GNPTAB: variants seen among roughly 807,000 people sequenced by gnomAD.
GNPTAB encodes N-acetylglucosamine-1-phosphotransferase subunits alpha/beta.
In GNPTAB, 92 loss-of-function variants were observed where a neutral mutation model predicts 136.6. That is an observed-to-expected ratio of 0.67 (90% CI 0.57 to 0.80). The LOEUF (loss-of-function observed/expected upper bound fraction) is 0.80. Ranked by LOEUF, GNPTAB falls within the 30% of genes least tolerant of loss-of-function variation. The probability of loss-of-function intolerance (pLI) is 0.00; values close to 1 mark genes in which losing one functional copy is unlikely to be tolerated. For missense variants in GNPTAB, 1,343 were observed against 1,501.8 expected, an observed-to-expected ratio of 0.89 and a Z score of 1.75; for synonymous variants, 512 against 535.1, an observed-to-expected ratio of 0.96 and a Z score of 0.60.
intron 1 of GNPTAB, among the ~76,000 whole-genome samples, chr12:101,805,126 T>C (rs1869863269): frequency 1.3e-5 from 2 of 152,210 alleles, no homozygotes; most frequent in South Asian, 2.1e-4. Flanking sequence ...ACTTGGTATA[T>C]ACTTTTAGTA....
chr12:101,758,390 G>T (rs1952935764), intron 16 of GNPTAB, among the ~76,000 whole-genome samples: 1 of 152,132 alleles, frequency 6.6e-6, no homozygotes, highest in Non-Finnish European at 1.5e-5. Context: ...GGCCAGGCTG[G>T]TCTTGAATTC....
intron 1 of GNPTAB, among the ~76,000 whole-genome samples, chr12:101,824,117 G>C (rs938000597): frequency 6.6e-6 from 1 of 152,100 alleles, no homozygotes. Flanking sequence ...TTCTGGAGAC[G>C]ATCCCAGTGG....
At chr12:101,774,998 T>TGTTAGACAAGTTGTCTAAACA (rs1456653921) in intron 7 of GNPTAB, among the ~76,000 whole-genome samples, 4 of 152,230 alleles carry the variant, frequency 2.6e-5, no homozygotes, top group Non-Finnish European at 5.9e-5. Context: ...AACAATCACA[T>TGTTAGACAAGTTGTCTAAACA]ATCTGCAAAT....
chr12:101,786,056 G>A lies in GNPTAB; in HGVS notation c.527C>T (p.Pro176Leu), dbSNP rs142302101. ...DIFNVAKPKN[P>L]STNVSVVVFD... ...AACAACAACTGAGACATTGGTAGAA[G>A]GGTTTTTTGGTTTTGCAACATTGAA... Residue 176 changes from proline (P) to leucine (L), a missense_variant, in exon 5 of 21, where the codon CCT becomes CTT. Transcript: ENST00000299314. 29 of 1,613,920 alleles carry A rather than the reference G, an allele frequency of 1.8e-5. No individual in the cohort carries two copies. In the African/African-American group the frequency reaches 3.6e-4, roughly 20 times the overall value.
intron 1 of GNPTAB, among the ~76,000 whole-genome samples, chr12:101,798,472 G>A (rs1869427350): frequency 6.6e-6 from 1 of 152,126 alleles, no homozygotes; most frequent in Non-Finnish European, 1.5e-5. Flanking sequence ...CACCTTTAAG[G>A]AGACATCATG....
intron 5 of GNPTAB, among the ~76,000 whole-genome samples, chr12:101,782,655 C>T (rs1200607093): frequency 6.6e-6 from 1 of 152,202 alleles, no homozygotes. Context: ...TACATTTCTA[C>T]TCAAAACCCT....
intron 1 of GNPTAB, among the ~76,000 whole-genome samples, chr12:101,828,425 C>A (rs962643412): frequency 1.3e-5 from 2 of 152,084 alleles, no homozygotes; most frequent in Non-Finnish European, 2.9e-5. Context: ...CATGGGAGAC[C>A]AAAGCAAGCG....
intron 10 of GNPTAB, 144 bp from the exon 11 acceptor site, chr12:101,768,304 G>T: frequency 1.2e-6 from 1 of 865,884 alleles, no homozygotes; most frequent in Non-Finnish European, 1.8e-6. Context: ...ACTCACAAGT[G>T]CTTTAAGTTT....
rs1304410544 is a variant in GNPTAB at position 101,771,177 on chromosome 12, T to C, written c.772-20A>G. 1 of 1,606,254 alleles carries C rather than the reference T, an allele frequency of 6.2e-7. No homozygotes were observed. Among genetic ancestry groups the C allele is most frequent in the Non-Finnish European group, 8.5e-7 (1 of 1,173,094 alleles). On this transcript the variant is annotated intron_variant, in intron 7 of 20. Transcript: ENST00000299314. ...CTGCAACTATCAAATAACAAGAGGATTACACATGAAAAGACTGAATCTCAA... is the reference window on the plus strand; with the variant it reads ...CTGCAACTATCAAATAACAAGAGGACTACACATGAAAAGACTGAATCTCAA...
chr12:101,824,350 A>G (rs186234917), intron 1 of GNPTAB, among the ~76,000 whole-genome samples: 63 of 144,658 alleles, frequency 4.4e-4, no homozygotes, highest in Admixed American at 2.4e-3. Context: ...GGACAAAAAG[A>G]GATTCCTGAT....
In GNPTAB at chr12:101,770,409, G is replaced by T; in HGVS notation, c.1110C>A (p.His370Gln). ...LDNPRVTIVT[H>Q]QDVFRNLSHL... Reference sequence around the variant, plus strand: ...TAATTTTTAGAAAGTCCTGTACCTGGTGTGTTACTATTGTCACTCGAGGAT... The same window carrying T: ...TAATTTTTAGAAAGTCCTGTACCTGTTGTGTTACTATTGTCACTCGAGGAT... Residue 370 changes from histidine (H) to glutamine (Q), a missense_variant, in exon 9 of 21, where the codon CAC becomes CAA. Physicochemically the swap from His to Gln is conservative, Grantham distance 24. Coordinates refer to ENST00000299314, the MANE Select transcript of GNPTAB (RefSeq NM_024312.5). The T allele has an allele frequency of 1.2e-6, 2 of 1,605,914 alleles. No individual in the cohort carries two copies. Among genetic ancestry groups the T allele is most frequent in the Non-Finnish European group, 1.7e-6 (2 of 1,172,488 alleles).
At chr12:101,763,394 C>T (rs1953031526) in intron 13 of GNPTAB, among the ~76,000 whole-genome samples, 1 of 152,030 alleles carries the variant, frequency 6.6e-6, no homozygotes, top group African/African-American at 2.4e-5. Flanking sequence ...CTCTTTTCTC[C>T]CAGCCTAACA....
At position 101,757,193 on chromosome 12, in the gene GNPTAB, T is replaced by C; in HGVS notation, c.3434+19A>G. ...CAGGTTTATTTGCATAATTAAAAATTATATATAAAAATCAGTACCTAGGGT... is the reference window on the plus strand; with the variant it reads ...CAGGTTTATTTGCATAATTAAAAATCATATATAAAAATCAGTACCTAGGGT... On this transcript the variant is annotated intron_variant, in intron 18 of 20. Coordinates refer to ENST00000299314, the MANE Select transcript of GNPTAB (RefSeq NM_024312.5). The C allele has an allele frequency of 1.6e-6, 2 of 1,277,708 alleles. No individual in the cohort carries two copies. Among genetic ancestry groups the C allele is most frequent in the Non-Finnish European group, 2.3e-6 (2 of 877,616 alleles). 79.1% of individuals were successfully genotyped at this position (1,277,708 alleles called of 1,614,324 possible). A position where few individuals can be genotyped will look rare whatever the true frequency, so the allele number is the denominator to read the frequency against.
rs142991226 is a variant in GNPTAB at position 101,791,783 on chromosome 12, T to G, written c.204-1726A>C. On this transcript the variant is annotated intron_variant, in intron 2 of 20. Coordinates refer to ENST00000299314, the MANE Select transcript of GNPTAB (RefSeq NM_024312.5). Reference sequence around the variant, plus strand: ...AATGCTATTTGGTAGCTAAATCTTTTGAATTATGGAAAGAAAAAAATTAAC... The same window carrying G: ...AATGCTATTTGGTAGCTAAATCTTTGGAATTATGGAAAGAAAAAAATTAAC... 2.0e-5 allele frequency among the ~76,000 whole-genome samples: 3 copies of G among 152,348 alleles called. No individual in the cohort carries two copies. The East Asian group carries it at 5.8e-4, about 29-fold the overall frequency.
chr12:101,759,984 A>G, intron 16 of GNPTAB, 46 bp downstream of exon 16: 2 of 1,067,430 alleles, frequency 1.9e-6, no homozygotes, highest in Non-Finnish European at 1.5e-6. Context: ...AACACTTGAT[A>G]AGGATGTACT....
chr12:101,807,552 G>T (rs1472308279), intron 1 of GNPTAB, among the ~76,000 whole-genome samples: 1 of 152,016 alleles, frequency 6.6e-6, no homozygotes, highest in South Asian at 2.1e-4. Context: ...TGACATGACT[G>T]TCTATGTAGA....
rs1021953064 is a variant in GNPTAB at position 101,764,633 on chromosome 12, A to C, written c.2284T>G (p.Leu762Val). Residue 762 changes from leucine (L) to valine (V), a missense_variant, in exon 13 of 21, where the codon TTG becomes GTG. Transcript: ENST00000299314. ...AIITDETNDSLVAPQEKQVHK... is the reference protein window; with the variant it reads ...AIITDETNDSVVAPQEKQVHK... The stretch of plus-strand genomic sequence containing the variant: ...ACCTGTTTTTCCTGTGGAGCCACCA[A>C]ACTGTCATTTGTTTCATCTGTTATT... 3 of 1,614,064 alleles carry C rather than the reference A, an allele frequency of 1.9e-6. No homozygotes were observed. Among genetic ancestry groups the C allele is most frequent in the Non-Finnish European group, 2.5e-6 (3 of 1,180,010 alleles).
chr12:101,810,422 TACAC>T, intron 1 of GNPTAB: 1 of 94,466 alleles, frequency 1.1e-5, no homozygotes, highest in South Asian at 3.3e-4. Flanking sequence ...TATATATATA[TACAC>T]ACACATACAC....
At position 101,794,150 on chromosome 12, in the gene GNPTAB, G is replaced by A. The variant is rs561192306; in HGVS notation, c.203+2527C>T. On this transcript the variant is annotated intron_variant, in intron 2 of 20. Coordinates refer to ENST00000299314, the MANE Select transcript of GNPTAB (RefSeq NM_024312.5). ...GAGCCACCGTGCCTGGCCTTCAATA[G>A]TATTTTAGAACCAAAGAGTTGGAAG... Among the ~76,000 whole-genome samples the A allele has an allele frequency of 7.9e-5, 12 of 152,228 alleles. No individual in the cohort carries two copies. The South Asian group carries it at 1.7e-3, about 21-fold the overall frequency.
Sources: allele counts gnomAD v4.1 joint callset (sites outside exome capture counted in the v4.1 genomes callset), GRCh38; gene constraint gnomAD v4.1.1; transcripts MANE v1.5; gene names NCBI Gene and HGNC (gene_info 2026-07-23, HGNC 2026-07-21).